Variants in STX8 observed in about 807,000 individuals in gnomAD.
STX8 encodes the protein syntaxin 8.
A neutral mutation model predicts 37.5 loss-of-function variants in STX8; 23 were observed. That is an observed-to-expected ratio of 0.61 (90% CI 0.44 to 0.87). The LOEUF is 0.87. STX8 is among the 40% of genes least tolerant of loss of function. The pLI is 0.00. For synonymous variants in STX8, 115 were observed against 99.1 expected, an observed-to-expected ratio of 1.16 and a Z score of -0.95; for missense variants, 313 against 284.7, an observed-to-expected ratio of 1.10 and a Z score of -0.71.
chr17:9,387,973 T>A (rs1050868784), intron 6 of STX8, among the ~76,000 whole-genome samples: 1 of 152,158 alleles, frequency 6.6e-6, no homozygotes, highest in South Asian at 2.1e-4. Context: ...AGTCAACACT[T>A]GTAGGGATTA....
chr17:9,473,867 A>C (rs1186547061), intron 6 of STX8, among the ~76,000 whole-genome samples: 1 of 152,168 alleles, frequency 6.6e-6, no homozygotes, highest in Non-Finnish European at 1.5e-5. Context: ...CTTTGGGGAA[A>C]TTCATCTATG....
intron 4 of STX8, among the ~76,000 whole-genome samples, chr17:9,508,282 A>C (rs1217200083): frequency 6.6e-6 from 1 of 152,152 alleles, no homozygotes; most frequent in Non-Finnish European, 1.5e-5. Flanking sequence ...TAAGTAAATA[A>C]GTACAAGCTA....
At chr17:9,533,667 AAGG>A (rs1905907433) in intron 4 of STX8, among the ~76,000 whole-genome samples, 1 of 152,216 alleles carries the variant, frequency 6.6e-6, no homozygotes, top group East Asian at 1.9e-4. Context: ...ATTTCAATAA[AAGG>A]AGAAGTGACA....
At chr17:9,482,249 A>T (rs1226317326) in intron 6 of STX8, among the ~76,000 whole-genome samples, 3 of 150,052 alleles carry the variant, frequency 2.0e-5, no homozygotes, top group Non-Finnish European at 3.0e-5. Flanking sequence ...CACCTACAGA[A>T]TTTTTTTTTT....
In STX8 at chr17:9,376,241, A is replaced by G. The variant is rs373587592; in HGVS notation, c.643+2311T>C. On this transcript the variant is annotated intron_variant, in intron 7 of 7. Coordinates refer to ENST00000306357, the MANE Select transcript of STX8 (RefSeq NM_004853.3). Reference sequence around the variant, plus strand: ...CTAAAGGTTTGAAAACGCACCAATCAGCACTCTGTAAAAAATGCCCCAATC... The same window carrying G: ...CTAAAGGTTTGAAAACGCACCAATCGGCACTCTGTAAAAAATGCCCCAATC... Among the ~76,000 whole-genome samples, 4 of 152,320 alleles carry G rather than the reference A, an allele frequency of 2.6e-5. No individual in the cohort carries two copies. In the East Asian group the frequency reaches 7.7e-4, roughly 29 times the overall value.
At chr17:9,558,482 G>A (rs1361064028) in intron 2 of STX8, among the ~76,000 whole-genome samples, 1 of 152,100 alleles carries the variant, frequency 6.6e-6, no homozygotes, top group Non-Finnish European at 1.5e-5. Flanking sequence ...GGGAACCAAG[G>A]AACAATCACC....
intron 5 of STX8, among the ~76,000 whole-genome samples, chr17:9,503,533 C>G (rs77458781): frequency 6.6e-6 from 1 of 152,056 alleles, no homozygotes; most frequent in Non-Finnish European, 1.5e-5. Flanking sequence ...CTCCCTCTTC[C>G]TTTTTATTCA....
intron 6 of STX8, among the ~76,000 whole-genome samples, chr17:9,429,577 C>T (rs977857885): frequency 1.5e-5 from 2 of 137,754 alleles, no homozygotes; most frequent in Non-Finnish European, 3.1e-5. Context: ...GTGGCGGGCA[C>T]CTGTAGTCCC....
chr17:9,408,099 C>T (rs777878785), intron 6 of STX8, among the ~76,000 whole-genome samples: 2 of 151,956 alleles, frequency 1.3e-5, no homozygotes, highest in African/African-American at 2.4e-5. Context: ...AGTTAAGTCA[C>T]GATATATATA....
rs867479307 is a variant in STX8 at position 9,530,662 on chromosome 17, G to T, written c.323+14510C>A. On this transcript the variant is annotated intron_variant, in intron 4 of 7. Coordinates refer to ENST00000306357, the MANE Select transcript of STX8 (RefSeq NM_004853.3). ...TTTGCCTATGTTTTTCTAACAGGTT[G>T]CTTGCCTTTTTCTTGACTTATAGGG... Among the ~76,000 whole-genome samples the T allele has an allele frequency of 8.5e-5, 13 of 152,248 alleles. No individual in the cohort carries two copies. In the Middle Eastern group the frequency reaches 0.01, roughly 120 times the overall value.
intron 6 of STX8, among the ~76,000 whole-genome samples, chr17:9,430,197 T>A (rs1486100847): frequency 1.6e-5 from 2 of 128,162 alleles, no homozygotes; most frequent in Admixed American, 2.1e-4. Context: ...AAATATAAAT[T>A]ATATATAATT....
chr17:9,411,702 C>G (rs190789663), intron 6 of STX8, among the ~76,000 whole-genome samples: 9 of 152,204 alleles, frequency 5.9e-5, no homozygotes, highest in African/African-American at 2.2e-4. Context: ...GAATTTTAAG[C>G]CAAAATCGTA....
intron 6 of STX8, among the ~76,000 whole-genome samples, chr17:9,491,457 A>T (rs367639611): frequency 6.6e-6 from 1 of 152,156 alleles, no homozygotes. Flanking sequence ...GGTACATAGG[A>T]TCGAAGAAGA....
intron 2 of STX8, among the ~76,000 whole-genome samples, chr17:9,566,949 A>G (rs1425443407): frequency 6.6e-6 from 1 of 152,244 alleles, no homozygotes; most frequent in Non-Finnish European, 1.5e-5. Flanking sequence ...GCCATAAAAA[A>G]GATCGAGATC....
intron 6 of STX8, among the ~76,000 whole-genome samples, chr17:9,415,699 G>A (rs947246624): frequency 2.0e-5 from 3 of 152,152 alleles, no homozygotes; most frequent in Non-Finnish European, 4.4e-5. Flanking sequence ...AACCCGGTAG[G>A]TGGAGCTTGC....
intron 7 of STX8, among the ~76,000 whole-genome samples, chr17:9,349,306 ATTTTC>A (rs1025736521): frequency 5.7e-5 from 6 of 104,394 alleles, no homozygotes; most frequent in African/African-American, 2.2e-4. Context: ...CGATAAATTT[ATTTTC>A]TTTTCTTTTT....
At chr17:9,558,599 G>C (rs985255553) in intron 2 of STX8, among the ~76,000 whole-genome samples, 11 of 152,230 alleles carry the variant, frequency 7.2e-5, no homozygotes, top group Admixed American at 2.0e-4. Flanking sequence ...ACTTTGGGAG[G>C]CCGAGGAGGG....
At chr17:9,555,527 C>G (rs560178573) in intron 3 of STX8, 3 of 152,262 alleles carry the variant, frequency 2.0e-5, no homozygotes, top group African/African-American at 4.8e-5. Context: ...ATTTACACAC[C>G]TTGCCATGTG....
chr17:9,534,890 C>T (rs1261948770), intron 4 of STX8, among the ~76,000 whole-genome samples: 1 of 151,980 alleles, frequency 6.6e-6, no homozygotes, highest in Non-Finnish European at 1.5e-5. Context: ...GGTACTAGCA[C>T]ATAAGTAGAC....
Sources: gnomAD v4.1 joint callset for allele counts (sites outside exome capture counted in the v4.1 genomes callset) on GRCh38, gnomAD v4.1.1 for gene constraint, MANE v1.5 for transcripts, NCBI Gene and HGNC (gene_info 2026-07-23, HGNC 2026-07-21) for gene names.